PCNX2: variants seen among roughly 807,000 people sequenced by gnomAD.
The protein encoded by PCNX2 is pecanex-like protein 2.
In PCNX2, 168 loss-of-function variants were observed where a neutral mutation model predicts 223.8. That is an observed-to-expected ratio of 0.75 (90% confidence interval 0.66 to 0.85). The LOEUF (loss-of-function observed/expected upper bound fraction) is 0.85. Ranked by LOEUF, PCNX2 falls within the 40% of genes least tolerant of loss-of-function variation. PCNX2 has a pLI of 0.00. For missense variants in PCNX2, 2,507 were observed against 2,675.5 expected (o/e 0.94, Z 1.39); for synonymous variants, 1,006 against 1,052.6 (o/e 0.96, Z 0.86).
At chr1:233,107,787 A>G (rs1435912225) in intron 21 of PCNX2, among the ~76,000 whole-genome samples, 2 of 152,234 alleles carry the variant, frequency 1.3e-5, no homozygotes, top group East Asian at 3.8e-4. Flanking sequence ...CATGTTGAAT[A>G]GGAGCTGAGT....
intron 23 of PCNX2, chr1:233,057,777 T>C: frequency 1.5e-6 from 1 of 654,240 alleles, no homozygotes; most frequent in Non-Finnish European, 1.9e-6. Context: ...GAGGCTGAAC[T>C]TGAATCCAGG....
At position 233,025,225 on chromosome 1, in the gene PCNX2, T is replaced by C. The variant is rs750653400; in HGVS notation, c.4526A>G (p.Tyr1509Cys). The C allele has an allele frequency of 1.1e-4, 183 of 1,613,918 alleles. No individual in the cohort carries two copies. The highest frequency in any genetic ancestry group is 1.5e-4 in the Non-Finnish European group (177 of 1,179,892). The change falls in exon 26 of 34, where the codon TAC becomes TGC. Residue 1509 changes from tyrosine (Y) to cysteine (C), a missense_variant. This residue lies in a region of PCNX2 where 1,372 missense variants were observed against 1,509.4 expected (regional missense o/e 0.91). Coordinates refer to ENST00000258229, the MANE Select transcript of PCNX2 (RefSeq NM_014801.4). ...GGCCGCGTTGTTGTCCAGGATGCTG[T>C]AGCCCTCCAGGATGTACTGGGTCTG... ...ITQTQYILEG[Y>C]SILDNNAATM...
intron 15 of PCNX2, among the ~76,000 whole-genome samples, chr1:233,196,467 T>A (rs1391472627): frequency 6.6e-6 from 1 of 152,026 alleles, no homozygotes; most frequent in East Asian, 1.9e-4. Flanking sequence ...GTAGCATATA[T>A]CTGTTAAAGG....
At chr1:233,166,867 T>A (rs1678825964) in intron 17 of PCNX2, among the ~76,000 whole-genome samples, 1 of 152,060 alleles carries the variant, frequency 6.6e-6, no homozygotes, top group Non-Finnish European at 1.5e-5. Flanking sequence ...ATAGGCCAGG[T>A]GTGTTGGTTC....
At chr1:233,023,913 T>C (rs17453103) in intron 26 of PCNX2, among the ~76,000 whole-genome samples, 16,721 of 152,224 alleles carry the variant, frequency 0.11, 1,018 homozygotes, top group Middle Eastern at 0.14. Flanking sequence ...TGCTTCCATG[T>C]AGCTTCAGCA....
Position 233,261,978 on chromosome 1 carries a change from C to T in PCNX2, c.480+67G>A, listed in dbSNP as rs1285506981. 10 of 1,593,804 alleles carry T rather than the reference C, an allele frequency of 6.3e-6. No individual in the cohort carries two copies. The East Asian group carries it at 1.8e-4, about 29-fold the overall frequency. On this transcript the variant is annotated intron_variant, in intron 3 of 33. Transcript: ENST00000258229. ...GCTACAATCACTGCTGCTGAACACT[C>T]CCATTCTAGGTGAGATCAACATCGA...
intron 8 of PCNX2, among the ~76,000 whole-genome samples, chr1:233,244,208 A>G (rs980541355): frequency 1.3e-5 from 2 of 152,240 alleles, no homozygotes; most frequent in Non-Finnish European, 2.9e-5. Context: ...ATGGATACTT[A>G]AGATGGTTAA....
intron 19 of PCNX2, among the ~76,000 whole-genome samples, chr1:233,154,150 C>A (rs978016021): frequency 6.6e-6 from 1 of 151,998 alleles, no homozygotes; most frequent in Non-Finnish European, 1.5e-5. Flanking sequence ...GTGGTCTCGG[C>A]TCACTGCAAC....
intron 25 of PCNX2, among the ~76,000 whole-genome samples, chr1:233,039,688 A>C (rs1300447361): frequency 6.6e-6 from 1 of 152,230 alleles, no homozygotes; most frequent in African/African-American, 2.4e-5. Flanking sequence ...AGTAATAAAA[A>C]AACCTCAATG....
chr1:233,122,564 C>T (rs1675863434), intron 21 of PCNX2, among the ~76,000 whole-genome samples: 1 of 149,502 alleles, frequency 6.7e-6, no homozygotes, highest in Non-Finnish European at 1.5e-5. Context: ...ACTCTTGTTG[C>T]CCAGGCTGGA....
At chr1:233,179,030 C>A in intron 16 of PCNX2, 36 bp downstream of exon 16, 1 of 1,579,494 alleles carries the variant, frequency 6.3e-7, no homozygotes, top group Non-Finnish European at 8.7e-7. Context: ...ATGCCCCCAG[C>A]TCAGTGATGA....
At chr1:233,076,979 G>T (rs1392260805) in intron 23 of PCNX2, among the ~76,000 whole-genome samples, 1 of 152,138 alleles carries the variant, frequency 6.6e-6, no homozygotes, top group Non-Finnish European at 1.5e-5. Flanking sequence ...TGTAAAGGAG[G>T]ATCACCTCAT....
At chr1:233,032,807 T>C (rs1406733058) in intron 25 of PCNX2, among the ~76,000 whole-genome samples, 6 of 152,216 alleles carry the variant, frequency 3.9e-5, no homozygotes, top group African/African-American at 1.2e-4. Flanking sequence ...CCATGAAGGA[T>C]GGCTTAGACT....
At position 233,001,647 on chromosome 1, in the gene PCNX2, AGAG is replaced by A; in HGVS notation, c.4984_4986del (p.Leu1662del). 1 of 1,594,620 alleles carries A rather than the reference AGAG, an allele frequency of 6.3e-7. No individual in the cohort carries two copies. Among genetic ancestry groups the A allele is most frequent in the Non-Finnish European group, 8.6e-7 (1 of 1,168,742 alleles). On this transcript the variant is annotated inframe_deletion, in exon 29 of 34. Transcript: ENST00000258229. This position sits in a 1 kb window ranked among gnomAD's most constrained non-coding sequence, Gnocchi z 4.2. ...GCTGTTATTCTGAAGTCACCTTTGA[AGAG>A]GACATGGAGGCCATACAGGAAAGAA...
chr1:233,077,675 T>C (rs1244927874), intron 23 of PCNX2, among the ~76,000 whole-genome samples: 1 of 152,150 alleles, frequency 6.6e-6, no homozygotes, highest in East Asian at 1.9e-4. Context: ...CTAAAGCCAA[T>C]AATAATCAAT....
chr1:233,194,290 C>T (rs1306084110), intron 15 of PCNX2, among the ~76,000 whole-genome samples: 1 of 151,880 alleles, frequency 6.6e-6, no homozygotes, highest in African/African-American at 2.4e-5. Context: ...GAATTCTGTA[C>T]CAGTGAAGAT....
chr1:233,037,037 T>C (rs1671478872), intron 25 of PCNX2, among the ~76,000 whole-genome samples: 2 of 152,334 alleles, frequency 1.3e-5, no homozygotes, highest in Middle Eastern at 6.8e-3. Context: ...GAGCCATGAC[T>C]ACTGCCATCA....
In PCNX2 at chr1:233,025,418, G is replaced by A; in HGVS notation, c.4352-19C>T. On this transcript the variant is annotated intron_variant, in intron 25 of 33. Transcript: ENST00000258229. ...TAGGTTCCTGGCCGAGCACAAACAT[G>A]AAGGAAGTTTGAAGAGAAGGCATGC... The A allele has an allele frequency of 1.9e-6, 3 of 1,611,774 alleles. No individual in the cohort carries two copies. Among genetic ancestry groups the A allele is most frequent in the Middle Eastern group, 1.7e-4 (1 of 6,052 alleles).
intron 21 of PCNX2, among the ~76,000 whole-genome samples, chr1:233,134,631 AAGGGAGGGAGAC>A (rs902640659): frequency 4.0e-5 from 6 of 151,822 alleles, no homozygotes; most frequent in Non-Finnish European, 8.8e-5. Context: ...GGAAGGTAAG[AAGGGAGGGAGAC>A]AGGGAGGGAG....
Sources: gnomAD v4.1 joint callset for allele counts (sites outside exome capture counted in the v4.1 genomes callset) on GRCh38, gnomAD v4.1.1 for gene constraint, gnomAD v4.1.1 regional missense constraint, Gnocchi (gnomAD v3.1) non-coding constraint, MANE v1.5 for transcripts, NCBI Gene and HGNC (gene_info 2026-07-23, HGNC 2026-07-21) for gene names.